Variants in SH3GL2 observed in about 807,000 individuals in gnomAD.
The protein encoded by SH3GL2 is endophilin-A1.
SH3GL2 carries 24 observed loss-of-function variants against 46.0 expected under a neutral mutation model. The observed-to-expected ratio is 0.52, with a 90% confidence interval of 0.38 to 0.73. The LOEUF is 0.73. SH3GL2 is among the 30% of genes least tolerant of loss of function. The pLI is 0.00. For missense variants in SH3GL2, 413 were observed against 424.2 expected (o/e 0.97, Z 0.23); for synonymous variants, 196 against 147.1 (o/e 1.33, Z -2.40).
At chr9:17,669,907 A>G (rs1820431809) in intron 1 of SH3GL2, among the ~76,000 whole-genome samples, 1 of 152,170 alleles carries the variant, frequency 6.6e-6, no homozygotes, top group Non-Finnish European at 1.5e-5. Flanking sequence ...AAAGAAAAAG[A>G]ACAGCTCTCT....
chr9:17,737,416 G>A (rs1487528674), intron 1 of SH3GL2, among the ~76,000 whole-genome samples: 1 of 151,898 alleles, frequency 6.6e-6, no homozygotes, highest in Non-Finnish European at 1.5e-5. Flanking sequence ...AAAAATATGA[G>A]GATGTAGTTC....
chr9:17,708,775 G>T (rs1373599496), intron 1 of SH3GL2, among the ~76,000 whole-genome samples: 3 of 151,902 alleles, frequency 2.0e-5, no homozygotes, highest in Non-Finnish European at 4.4e-5. Context: ...CCCCATTTAA[G>T]AAATTAGGCT....
At chr9:17,707,399 G>C (rs139070487) in intron 1 of SH3GL2, among the ~76,000 whole-genome samples, 64 of 152,020 alleles carry the variant, frequency 4.2e-4, no homozygotes, top group African/African-American at 1.5e-3. Flanking sequence ...ACTCTCTCTA[G>C]GGCTGTCCAT....
intron 3 of SH3GL2, among the ~76,000 whole-genome samples, chr9:17,772,959 C>T (rs1823533344): frequency 6.6e-6 from 1 of 152,168 alleles, no homozygotes; most frequent in Non-Finnish European, 1.5e-5. Context: ...CAACAGTGCA[C>T]AAGGGTTCGA....
intron 1 of SH3GL2, among the ~76,000 whole-genome samples, chr9:17,685,201 G>C (rs1166789126): frequency 6.6e-6 from 1 of 152,002 alleles, no homozygotes; most frequent in African/African-American, 2.4e-5. Flanking sequence ...TCAAGGAATT[G>C]GATCCTGTGA....
chr9:17,596,059 C>G (rs927252857), intron 1 of SH3GL2, among the ~76,000 whole-genome samples: 2 of 152,054 alleles, frequency 1.3e-5, no homozygotes, highest in Admixed American at 6.6e-5. Flanking sequence ...AAGTTGAAAA[C>G]AAGGAATCGA....
At chr9:17,628,821 A>C (rs914918938) in intron 1 of SH3GL2, among the ~76,000 whole-genome samples, 3 of 152,152 alleles carry the variant, frequency 2.0e-5, no homozygotes, top group African/African-American at 7.2e-5. Context: ...AAGACTTTGC[A>C]TAGGTTGCCA....
chr9:17,594,122 C>A (rs552652828), intron 1 of SH3GL2, among the ~76,000 whole-genome samples: 11 of 152,244 alleles, frequency 7.2e-5, no homozygotes, highest in African/African-American at 2.6e-4. Context: ...TCAGTGGCTC[C>A]TTATGGCTCC....
chr9:17,725,887 C>T (rs944134469), intron 1 of SH3GL2, among the ~76,000 whole-genome samples: 1 of 152,108 alleles, frequency 6.6e-6, no homozygotes, highest in Non-Finnish European at 1.5e-5. Flanking sequence ...TAGCCCTAGA[C>T]TAGGAGCTGG....
At chr9:17,682,986 G>A (rs948143146) in intron 1 of SH3GL2, among the ~76,000 whole-genome samples, 1 of 152,060 alleles carries the variant, frequency 6.6e-6, no homozygotes, top group Admixed American at 6.6e-5. Context: ...AAAAAATCCA[G>A]ATAGTATACA....
intron 3 of SH3GL2, among the ~76,000 whole-genome samples, chr9:17,785,201 A>C (rs575739578): frequency 1.3e-5 from 2 of 152,070 alleles, no homozygotes; most frequent in African/African-American, 4.8e-5. Flanking sequence ...CCCCTCCCCA[A>C]CTGATGAGGA....
intron 1 of SH3GL2, among the ~76,000 whole-genome samples, chr9:17,686,864 C>T (rs1253709443): frequency 6.7e-6 from 1 of 149,886 alleles, no homozygotes; most frequent in African/African-American, 2.5e-5. Context: ...GGGTGCAGCG[C>T]ACCAGCATGG....
intron 1 of SH3GL2, among the ~76,000 whole-genome samples, chr9:17,720,562 G>C (rs1347492355): frequency 2.0e-5 from 3 of 152,048 alleles, no homozygotes; most frequent in Admixed American, 2.0e-4. Context: ...CTGAACCCTG[G>C]TGATTGGCCC....
intron 1 of SH3GL2, among the ~76,000 whole-genome samples, chr9:17,587,294 A>C (rs1341474011): frequency 6.6e-6 from 1 of 152,200 alleles, no homozygotes; most frequent in Non-Finnish European, 1.5e-5. Flanking sequence ...CAGGACAGTT[A>C]TTGTCCATAA....
intron 1 of SH3GL2, among the ~76,000 whole-genome samples, chr9:17,745,666 G>A (rs555116624): frequency 1.8e-5 from 2 of 109,714 alleles, no homozygotes; most frequent in South Asian, 4.8e-4. Context: ...GACAGATAGA[G>A]GGGGTAAGCA....
At chr9:17,650,621 T>A (rs536662065) in intron 1 of SH3GL2, among the ~76,000 whole-genome samples, 92 of 152,250 alleles carry the variant, frequency 6.0e-4, no homozygotes, top group Admixed American at 4.1e-3. Flanking sequence ...CCTCCCAAAG[T>A]GCTGGGATTA....
intron 1 of SH3GL2, among the ~76,000 whole-genome samples, chr9:17,665,858 T>A (rs991524792): frequency 1.3e-5 from 2 of 149,252 alleles, no homozygotes; most frequent in African/African-American, 5.0e-5. Flanking sequence ...TAAATATGCA[T>A]CTGTCTGTTC....
At chr9:17,610,699 C>T (rs373371553) in intron 1 of SH3GL2, among the ~76,000 whole-genome samples, 1 of 151,154 alleles carries the variant, frequency 6.6e-6, no homozygotes, top group South Asian at 2.1e-4. Flanking sequence ...TTAAGCAAAG[C>T]CATTCAAGAA....
At chr9:17,638,578 A>G (rs1230192765) in intron 1 of SH3GL2, among the ~76,000 whole-genome samples, 1 of 152,234 alleles carries the variant, frequency 6.6e-6, no homozygotes, top group African/African-American at 2.4e-5. Flanking sequence ...GAAATGATGT[A>G]TAAGCTGAGG....
Sources: gnomAD v4.1 joint callset for allele counts (sites outside exome capture counted in the v4.1 genomes callset) on GRCh38, gnomAD v4.1.1 for gene constraint, MANE v1.5 for transcripts, NCBI Gene and HGNC (gene_info 2026-07-23, HGNC 2026-07-21) for gene names.